The following SSH2 variants were observed in gnomAD, a reference collection of about 807,000 sequenced individuals.
The protein encoded by SSH2 is slingshot protein phosphatase 2.
Under a neutral mutation model 135.2 loss-of-function variants are expected in SSH2, and 37 were observed. That is an observed-to-expected ratio of 0.27 (90% CI 0.21 to 0.36). The LOEUF (loss-of-function observed/expected upper bound fraction) is 0.36, where lower values mean the gene tolerates loss of function less well. SSH2 is among the 10% of genes least tolerant of loss of function. The pLI is 1.00. For missense variants in SSH2, 1,408 were observed against 1,765.3 expected, an observed-to-expected ratio of 0.80 and a Z score of 3.63; for synonymous variants, 628 against 646.2, an observed-to-expected ratio of 0.97 and a Z score of 0.43.
rs1181742692 is a variant in SSH2, at chr17:29,631,439, C to G, written c.3755G>C (p.Ser1252Thr). 1 of 1,614,170 alleles carries G rather than the reference C, an allele frequency of 6.2e-7. No individual in the cohort carries two copies. Among genetic ancestry groups the G allele is most frequent in the Non-Finnish European group, 8.5e-7 (1 of 1,180,030 alleles). The change falls in exon 16 of 16, where the codon AGC (serine) becomes ACC (threonine). Residue 1252 changes from serine to threonine, a missense_variant. Ser to Thr is a moderately conservative substitution (Grantham distance 58, BLOSUM62 1). This residue lies in a region of SSH2 where 1,080 missense variants were observed against 1,144.5 expected (regional missense o/e 0.94). Coordinates refer to ENST00000540801, the MANE Select transcript of SSH2 (RefSeq NM_001282129.2). ...SSSSENIKSL[S>T]HSPGVVKERA... ...CTCCTTCACCACACCGGGGCTGTGG[C>G]TGAGACTCTTTATGTTTTCACTACT...
intron 3 of SSH2, among the ~76,000 whole-genome samples, chr17:29,729,528 C>T (rs1056139613): frequency 6.6e-6 from 1 of 152,136 alleles, no homozygotes; most frequent in Non-Finnish European, 1.5e-5. Context: ...CCAGCAATCT[C>T]GTTGCTGGGC....
chr17:29,749,291 A>G (rs748715733), intron 3 of SSH2, among the ~76,000 whole-genome samples: 6 of 152,244 alleles, frequency 3.9e-5, no homozygotes, highest in Non-Finnish European at 7.3e-5. Context: ...TGACAGGAAT[A>G]CATTCTGAGA....
rs2035595388 is a variant in SSH2, at chr17:29,629,716, A to G, written c.*1125T>C. 6.6e-6 allele frequency: 1 copy of G among 152,314 alleles called. No homozygotes were observed. The highest frequency in any genetic ancestry group is 2.1e-4 in the South Asian group (1 of 4,838). The allele number at this position is 152,314 out of a possible 1,614,324, so 9.4% of individuals were successfully genotyped here. ...ACAAACCTTCCAGGAAAAGGAAAAA[A>G]AAGTGTTAACAGTGATAATACCAAA... is the stretch of plus-strand genomic sequence containing the variant. On this transcript the variant is annotated 3_prime_UTR_variant, in exon 16 of 16. Coordinates refer to ENST00000540801, the MANE Select transcript of SSH2 (RefSeq NM_001282129.2).
chr17:29,782,116 G>A (rs1409489248), intron 3 of SSH2, among the ~76,000 whole-genome samples: 1 of 152,158 alleles, frequency 6.6e-6, no homozygotes, highest in Non-Finnish European at 1.5e-5. Flanking sequence ...AAAGTGCTGG[G>A]ATTATAGGCA....
chr17:29,673,788 T>C (rs2037594276), intron 8 of SSH2: 3 of 297,164 alleles, frequency 1.0e-5, no homozygotes, highest in Admixed American at 8.6e-5. Flanking sequence ...ATATCATCTA[T>C]AACTTGCTCT....
At chr17:29,859,423 T>G (rs1273875558) in intron 1 of SSH2, among the ~76,000 whole-genome samples, 1 of 152,186 alleles carries the variant, frequency 6.6e-6, no homozygotes, top group African/African-American at 2.4e-5. Flanking sequence ...TCATTAGTTA[T>G]TTTTCCTGAT....
At chr17:29,863,855 C>T (rs1013926024) in intron 1 of SSH2, 10 of 152,080 alleles carry the variant, frequency 6.6e-5, no homozygotes, top group Admixed American at 1.3e-4. Flanking sequence ...TTGTTGGGAT[C>T]CAATTATTTT....
chr17:29,635,941 G>T, intron 15 of SSH2, 27 bp downstream of exon 15: 1 of 1,519,168 alleles, frequency 6.6e-7, no homozygotes, highest in Non-Finnish European at 9.0e-7. Flanking sequence ...ACTTCATTAG[G>T]CGGAAAACTA....
At chr17:29,910,250 A>G (rs1811843087) in intron 1 of SSH2, among the ~76,000 whole-genome samples, 1 of 152,102 alleles carries the variant, frequency 6.6e-6, no homozygotes, top group Non-Finnish European at 1.5e-5. Context: ...TGCCCAGCTC[A>G]CTGTTATTCT....
intron 2 of SSH2, among the ~76,000 whole-genome samples, chr17:29,844,792 G>A (rs889131982): frequency 6.6e-6 from 1 of 152,102 alleles, no homozygotes; most frequent in Non-Finnish European, 1.5e-5. Context: ...TCAGAAAAGG[G>A]GCAGGGGCCT....
intron 2 of SSH2, among the ~76,000 whole-genome samples, chr17:29,844,054 C>T (rs1334035761): frequency 6.6e-6 from 1 of 152,136 alleles, no homozygotes; most frequent in Non-Finnish European, 1.5e-5. Context: ...ACATTTGATT[C>T]TAGGGGGTGG....
At chr17:29,755,726 A>T (rs2041093017) in intron 3 of SSH2, among the ~76,000 whole-genome samples, 1 of 149,692 alleles carries the variant, frequency 6.7e-6, no homozygotes, top group South Asian at 2.1e-4. Flanking sequence ...CAGTGGCACG[A>T]TTTCGGCTAA....
chr17:29,753,206 C>G (rs746377616), intron 3 of SSH2, among the ~76,000 whole-genome samples: 1 of 152,066 alleles, frequency 6.6e-6, no homozygotes, highest in Non-Finnish European at 1.5e-5. Flanking sequence ...ACTTGGCTCA[C>G]GGCAACCTCT....
At chr17:29,882,085 A>G (rs941536266) in intron 1 of SSH2, among the ~76,000 whole-genome samples, 6 of 152,218 alleles carry the variant, frequency 3.9e-5, no homozygotes, top group Admixed American at 6.5e-5. Flanking sequence ...TAGCTGTCCT[A>G]TTATACAATG....
intron 3 of SSH2, among the ~76,000 whole-genome samples, chr17:29,764,047 T>C (rs999098768): frequency 6.6e-6 from 1 of 151,916 alleles, no homozygotes; most frequent in African/African-American, 2.4e-5. Flanking sequence ...CCTCGCGGGT[T>C]CAAGTGATTC....
chr17:29,820,320 T>C (rs2042630245), intron 2 of SSH2, among the ~76,000 whole-genome samples: 1 of 152,248 alleles, frequency 6.6e-6, no homozygotes, highest in Non-Finnish European at 1.5e-5. Context: ...AAGAAAGATC[T>C]GTTTCTGTAT....
At chr17:29,681,004 C>T (rs960273334) in intron 6 of SSH2, among the ~76,000 whole-genome samples, 4 of 152,036 alleles carry the variant, frequency 2.6e-5, no homozygotes, top group Admixed American at 6.6e-5. Flanking sequence ...CAGGAATCGA[C>T]ATTACATTTT....
At chr17:29,772,589 T>C (rs1305807161) in intron 3 of SSH2, among the ~76,000 whole-genome samples, 2 of 152,128 alleles carry the variant, frequency 1.3e-5, no homozygotes, top group Non-Finnish European at 2.9e-5. Context: ...TCTGAGGCTG[T>C]TTCCAGAGAA....
rs1316772839 is a variant in SSH2 at position 29,631,052 on chromosome 17, T to C, written c.4142A>G (p.Gln1381Arg). 1 of 1,614,226 alleles carries C rather than the reference T, an allele frequency of 6.2e-7. No homozygotes were observed. Among genetic ancestry groups the C allele is most frequent in the Non-Finnish European group, 8.5e-7 (1 of 1,180,036 alleles). ...TCCTGCCCTGGGGAGCAAATACTGC[T>C]GACTAGAACCAAATTCTTTGGCATA... ...VQYAKEFGSS[Q>R]QYLLPRAGLE... The change falls in exon 16 of 16, where the codon CAG becomes CGG. Residue 1381 changes from glutamine (Q) to arginine (R), a missense_variant. By Grantham distance (43) the Gln-to-Arg change is conservative. Transcript: ENST00000540801.
Sources: gnomAD v4.1 joint callset for allele counts (sites outside exome capture counted in the v4.1 genomes callset) on GRCh38, gnomAD v4.1.1 for gene constraint, gnomAD v4.1.1 regional missense constraint, MANE v1.5 for transcripts, NCBI Gene and HGNC (gene_info 2026-07-23, HGNC 2026-07-21) for gene names.